IDE: variants seen among roughly 807,000 people sequenced by gnomAD.
The protein encoded by IDE is insulin-degrading enzyme.
IDE carries 58 observed loss-of-function variants against 133.2 expected under a neutral mutation model. That is an observed-to-expected ratio of 0.44 (90% CI 0.35 to 0.54). The LOEUF (loss-of-function observed/expected upper bound fraction) is 0.54, where lower values mean the gene tolerates loss of function less well. Ranked by LOEUF, IDE falls within the 20% of genes least tolerant of loss-of-function variation. The probability of loss-of-function intolerance (pLI) is 0.00; values close to 1 mark genes in which losing one functional copy is unlikely to be tolerated. For synonymous variants in IDE, 396 were observed against 421.3 expected (o/e 0.94, Z 0.73); for missense variants, 981 against 1,234.0 (o/e 0.79, Z 3.07).
At chr10:92,517,517 T>C (rs1266103380) in intron 4 of IDE, among the ~76,000 whole-genome samples, 1 of 152,168 alleles carries the variant, frequency 6.6e-6, no homozygotes, top group Non-Finnish European at 1.5e-5. Flanking sequence ...AAGCAGTCCT[T>C]CTACCTCAGC....
chr10:92,536,501 C>T (rs1387397559), intron 2 of IDE, among the ~76,000 whole-genome samples: 1 of 147,216 alleles, frequency 6.8e-6, no homozygotes, highest in Non-Finnish European at 1.5e-5. Context: ...GAGTTCAAGA[C>T]CAGCCTGACC....
At chr10:92,506,544 AT>A in intron 9 of IDE, 22 bp from the exon 10 acceptor site, 1 of 1,246,952 alleles carries the variant, frequency 8.0e-7, no homozygotes, top group Non-Finnish European at 1.2e-6. Context: ...AGTTAATCCA[AT>A]TAGATACGGC....
At chr10:92,506,796 T>G (rs1848314942) in intron 9 of IDE, among the ~76,000 whole-genome samples, 1 of 152,166 alleles carries the variant, frequency 6.6e-6, no homozygotes, top group Non-Finnish European at 1.5e-5. Context: ...AGGATATGGC[T>G]CGATAGCCTA....
intron 1 of IDE, among the ~76,000 whole-genome samples, chr10:92,544,219 C>T (rs12218329): frequency 6.9e-6 from 1 of 145,884 alleles, no homozygotes; most frequent in Non-Finnish European, 1.5e-5. Flanking sequence ...GGTGACAGAG[C>T]GAGACACCAT....
chr10:92,572,199 T>C (rs1264912807), intron 1 of IDE, among the ~76,000 whole-genome samples: 1 of 152,236 alleles, frequency 6.6e-6, no homozygotes, highest in Non-Finnish European at 1.5e-5. Context: ...GTGCTTTCTT[T>C]AAAAATCACA....
At chr10:92,572,943 C>T (rs896810816) in intron 1 of IDE, 1 of 985,242 alleles carries the variant, frequency 1.0e-6, no homozygotes, top group Non-Finnish European at 1.2e-6. Context: ...CCGTGGCATC[C>T]CAATCCGCTC....
chr10:92,480,037 A>G (rs1846515810), intron 14 of IDE, among the ~76,000 whole-genome samples: 1 of 152,254 alleles, frequency 6.6e-6, no homozygotes, highest in African/African-American at 2.4e-5. Flanking sequence ...GGGAAAAATA[A>G]AATAGAAAAA....
intron 15 of IDE, chr10:92,478,713 CTT>C: frequency 7.8e-7 from 1 of 1,282,732 alleles, no homozygotes; most frequent in African/African-American, 1.5e-5. Context: ...TATGTATACT[CTT>C]TTAAATCATC....
At chr10:92,498,260 T>A (rs1448359843) in intron 11 of IDE, among the ~76,000 whole-genome samples, 2 of 152,136 alleles carry the variant, frequency 1.3e-5, no homozygotes, top group Non-Finnish European at 2.9e-5. Flanking sequence ...AAATGATGTA[T>A]CCAAGATCTC....
intron 1 of IDE, among the ~76,000 whole-genome samples, chr10:92,569,176 G>C (rs1843681393): frequency 6.6e-6 from 1 of 152,216 alleles, no homozygotes; most frequent in African/African-American, 2.4e-5. Context: ...TCGGAATTGG[G>C]AATGAATAGG....
chr10:92,459,868 C>T (rs1271750825), intron 22 of IDE, among the ~76,000 whole-genome samples: 4 of 131,762 alleles, frequency 3.0e-5, no homozygotes, highest in African/African-American at 8.8e-5. Context: ...CTCGCACTGT[C>T]GCCCGGGCTG....
At chr10:92,538,928 A>G (rs994299546) in intron 1 of IDE, among the ~76,000 whole-genome samples, 32 of 152,310 alleles carry the variant, frequency 2.1e-4, no homozygotes, top group African/African-American at 7.0e-4. Flanking sequence ...ACAAAACTAA[A>G]CAGATCTGAC....
At chr10:92,478,477 C>T (rs1846406092) in intron 15 of IDE, among the ~76,000 whole-genome samples, 1 of 152,122 alleles carries the variant, frequency 6.6e-6, no homozygotes, top group South Asian at 2.1e-4. Context: ...TTTATTAAAT[C>T]ATTCATTAGT....
intron 19 of IDE, 91 bp downstream of exon 19, chr10:92,468,788 C>T (rs931394215): frequency 2.7e-5 from 18 of 654,842 alleles, no homozygotes; most frequent in East Asian, 1.6e-4. Flanking sequence ...AAATCTTTGG[C>T]GTAAAACTAT....
intron 1 of IDE, among the ~76,000 whole-genome samples, chr10:92,564,092 A>G (rs1843407928): frequency 6.6e-6 from 1 of 152,152 alleles, no homozygotes; most frequent in South Asian, 2.1e-4. Flanking sequence ...GGAAATCACC[A>G]GAAGATCTAC....
intron 1 of IDE, 61 bp from the exon 2 acceptor site, chr10:92,537,611 A>G: frequency 8.0e-7 from 1 of 1,253,856 alleles, no homozygotes; most frequent in Non-Finnish European, 1.1e-6. Flanking sequence ...ACAAACAATA[A>G]CGTCAAGTAA....
chr10:92,559,805 A>G lies in IDE; in HGVS notation c.98+14117T>C, dbSNP rs141372871. Among the ~76,000 whole-genome samples, 1,175 of 147,944 alleles carry G rather than the reference A, an allele frequency of 7.9e-3. 11 individuals are homozygous for G. The highest frequency in any genetic ancestry group is 0.027 in the African/African-American group (1,080 of 39,874). On this transcript the variant is annotated intron_variant, in intron 1 of 24. Transcript: ENST00000265986. Reference sequence around the variant, plus strand: ...CAGGCTGGAGTGCAATGGTGTAATCATGGCTCATTGCAGCTTTGACTTCCC... The same window carrying G: ...CAGGCTGGAGTGCAATGGTGTAATCGTGGCTCATTGCAGCTTTGACTTCCC...
At chr10:92,473,136 G>A (rs973493175) in intron 17 of IDE, among the ~76,000 whole-genome samples, 3 of 147,724 alleles carry the variant, frequency 2.0e-5, no homozygotes, top group Admixed American at 6.8e-5. Context: ...TACAGACGGG[G>A]ATTCACCATG....
intron 4 of IDE, among the ~76,000 whole-genome samples, chr10:92,517,535 G>A (rs562321796): frequency 8.2e-4 from 125 of 152,294 alleles, no homozygotes; most frequent in Non-Finnish European, 1.5e-3. Flanking sequence ...AGCCTCCAGA[G>A]TAGCTGGGAC....
Sources: gnomAD v4.1 joint callset for allele counts (sites outside exome capture counted in the v4.1 genomes callset) on GRCh38, gnomAD v4.1.1 for gene constraint, MANE v1.5 for transcripts, NCBI Gene and HGNC (gene_info 2026-07-23, HGNC 2026-07-21) for gene names.